The following ABAT variants were observed in gnomAD, a reference collection of about 807,000 sequenced individuals.
ABAT encodes 4-aminobutyrate aminotransferase, mitochondrial.
A neutral mutation model predicts 64.6 loss-of-function variants in ABAT; 45 were observed. The observed-to-expected ratio is 0.70, with a 90% CI of 0.55 to 0.89. The LOEUF (loss-of-function observed/expected upper bound fraction) is 0.89, where lower values mean the gene tolerates loss of function less well. Ranked by LOEUF, ABAT falls within the 40% of genes least tolerant of loss-of-function variation. ABAT has a pLI of 0.00. For missense variants in ABAT, 633 were observed against 658.4 expected, an observed-to-expected ratio of 0.96 and a Z score of 0.42; for synonymous variants, 297 against 250.5, an observed-to-expected ratio of 1.19 and a Z score of -1.75.
chr16:8,684,626 G>A (rs1464182000), intron 1 of ABAT, among the ~76,000 whole-genome samples: 2 of 151,820 alleles, frequency 1.3e-5, no homozygotes, highest in East Asian at 1.9e-4. Context: ...GGCTGAGGCA[G>A]GAGGGTCGCT....
At chr16:8,691,343 A>G (rs536081683) in intron 1 of ABAT, among the ~76,000 whole-genome samples, 1 of 152,280 alleles carries the variant, frequency 6.6e-6, no homozygotes, top group South Asian at 2.1e-4. Context: ...TCACCTGAAC[A>G]CTTGCACCTG....
At chr16:8,722,855 C>A (rs1363851692) in intron 1 of ABAT, 1 of 1,289,074 alleles carries the variant, frequency 7.8e-7, no homozygotes, top group Non-Finnish European at 1.0e-6. Flanking sequence ...AGGAGCAAGG[C>A]TTGGGGAAAA....
At chr16:8,745,732 GGCA>G in intron 2 of ABAT, among the ~76,000 whole-genome samples, 1 of 152,056 alleles carries the variant, frequency 6.6e-6, no homozygotes, top group Admixed American at 6.6e-5. Flanking sequence ...AAAGAAAGCT[GGCA>G]TCAGCTTGTA....
At chr16:8,684,719 T>C (rs2057413100) in intron 1 of ABAT, among the ~76,000 whole-genome samples, 1 of 95,592 alleles carries the variant, frequency 1.0e-5, no homozygotes, top group Non-Finnish European at 2.2e-5. Flanking sequence ...TGAGATCCTG[T>C]CTCAAAAAAA....
At chr16:8,716,447 T>A (rs2058218477) in intron 1 of ABAT, among the ~76,000 whole-genome samples, 1 of 152,152 alleles carries the variant, frequency 6.6e-6, no homozygotes, top group African/African-American at 2.4e-5. Flanking sequence ...GTTGCTGCAG[T>A]CGTGATCCCA....
At chr16:8,705,760 A>G (rs1184451424) in intron 1 of ABAT, among the ~76,000 whole-genome samples, 2 of 152,104 alleles carry the variant, frequency 1.3e-5, no homozygotes, top group Non-Finnish European at 2.9e-5. Flanking sequence ...CAAAGAGAGC[A>G]GATTGACTCC....
chr16:8,765,703 A>T (rs2059924849), intron 8 of ABAT: 1 of 148,900 alleles, frequency 6.7e-6, no homozygotes, highest in Non-Finnish European at 1.5e-5. Context: ...ACGAAAACAA[A>T]AACAAAAAAA....
Position 8,748,125 on chromosome 16 carries a change from G to A in ABAT, c.186G>A (p.Leu62=). 6.2e-7 allele frequency: 1 copy of A among 1,613,630 alleles called. No homozygotes were observed. Among genetic ancestry groups the A allele is most frequent in the Non-Finnish European group, 8.5e-7 (1 of 1,179,704 alleles). Residue 62 remains leucine (L), a synonymous_variant, in exon 4 of 16, where the codon CTG becomes CTA. Transcript: ENST00000268251. ...GCCTGCAGGAGTTAATGAAACAGCTGAATATAATTCAGGTAAGTGAGGAGG... is the reference window on the plus strand; with the variant it reads ...GCCTGCAGGAGTTAATGAAACAGCTAAATATAATTCAGGTAAGTGAGGAGG... ...GPRSQELMKQ[L]NIIQNAEAVH...
At chr16:8,762,000 T>C (rs1273399) in intron 6 of ABAT, among the ~76,000 whole-genome samples, 19,299 of 145,416 alleles carry the variant, frequency 0.13, 1,663 homozygotes, top group African/African-American at 0.25. Context: ...TCCTTCTCCT[T>C]CTTCTCCTTC....
chr16:8,737,853 A>G (rs56150745), intron 2 of ABAT, among the ~76,000 whole-genome samples: 20,942 of 146,330 alleles, frequency 0.14, 1,867 homozygotes, highest in African/African-American at 0.24. Context: ...ACTTGAACCC[A>G]GAAGGCGGAG....
intron 6 of ABAT, 143 bp downstream of exon 6, chr16:8,757,949 G>A: frequency 1.0e-6 from 1 of 987,818 alleles, no homozygotes; most frequent in East Asian, 2.6e-5. Context: ...TGCCAGGTAT[G>A]TGGCATGCCT....
chr16:8,714,803 G>A (rs78272755), intron 1 of ABAT: 6,979 of 152,486 alleles, frequency 0.046, 214 homozygotes, highest in East Asian at 0.1. Flanking sequence ...CGGAGACAAG[G>A]ACTGGCCTCA....
At chr16:8,682,017 A>G (rs566524077) in intron 1 of ABAT, among the ~76,000 whole-genome samples, 27 of 152,234 alleles carry the variant, frequency 1.8e-4, no homozygotes, top group African/African-American at 6.0e-4. Flanking sequence ...TCCACCCACC[A>G]GACGCTGGCA....
intron 1 of ABAT, among the ~76,000 whole-genome samples, chr16:8,727,140 G>A (rs2058581569): frequency 6.6e-6 from 1 of 152,024 alleles, no homozygotes; most frequent in Non-Finnish European, 1.5e-5. Flanking sequence ...TGTTCTGTGG[G>A]TTGCCTCTTC....
chr16:8,697,623 G>T lies in ABAT; in HGVS notation c.-42+22912G>T, dbSNP rs2057732085. 3.5e-5 allele frequency among the ~76,000 whole-genome samples: 5 copies of T among 144,834 alleles called. No individual in the cohort carries two copies. In the South Asian group the frequency reaches 1.1e-3, roughly 33 times the overall value. Reference sequence around the variant, plus strand: ...CTGTGCAAGTTAAAGGTTTTTTGTTGTTTGTTTTTTGTTTTTTGGTTTTTT... The same window carrying T: ...CTGTGCAAGTTAAAGGTTTTTTGTTTTTTGTTTTTTGTTTTTTGGTTTTTT... On this transcript the variant is annotated intron_variant, in intron 1 of 15. Transcript: ENST00000268251.
chr16:8,729,233 G>A (rs2142292489), intron 1 of ABAT, among the ~76,000 whole-genome samples: 1 of 152,228 alleles, frequency 6.6e-6, no homozygotes, highest in Admixed American at 6.5e-5. Flanking sequence ...CCCTGGGGGA[G>A]GCAGAGGTTG....
chr16:8,762,900 A>G (rs2059837655), intron 6 of ABAT, among the ~76,000 whole-genome samples: 1 of 152,102 alleles, frequency 6.6e-6, no homozygotes, highest in South Asian at 2.1e-4. Context: ...TGAGTCCAAG[A>G]GTTCAAGACC....
rs574677289 is a variant in ABAT at position 8,769,677 on chromosome 16, G to C, written c.816+704G>C. Among the ~76,000 whole-genome samples the C allele has an allele frequency of 7.9e-5, 12 of 152,284 alleles. No individual in the cohort carries two copies. The East Asian group carries it at 2.3e-3, about 29-fold the overall frequency. ...GGTTTTGTCTTCTCCTGAGTCTTGG[G>C]GCTTTGAGTTGCTGTGGGTCGGGGG... On this transcript the variant is annotated intron_variant, in intron 11 of 15. Transcript: ENST00000268251.
At chr16:8,730,359 A>T (rs577603354) in intron 1 of ABAT, among the ~76,000 whole-genome samples, 2 of 152,068 alleles carry the variant, frequency 1.3e-5, no homozygotes, top group Non-Finnish European at 2.9e-5. Flanking sequence ...CCAACATTCT[A>T]TTAGCTCTGT....
Sources: allele counts gnomAD v4.1 joint callset (sites outside exome capture counted in the v4.1 genomes callset), GRCh38; gene constraint gnomAD v4.1.1; transcripts MANE v1.5; gene names NCBI Gene and HGNC (gene_info 2026-07-23, HGNC 2026-07-21).